LRRC52: variants seen among roughly 807,000 people sequenced by gnomAD.
The protein encoded by LRRC52 is leucine rich repeat containing 52, also known as leucine-rich repeat-containing protein 52.
Under a neutral mutation model 14.7 loss-of-function variants are expected in LRRC52, and 15 were observed. That is an observed-to-expected ratio of 1.02 (90% confidence interval 0.68 to 1.58). LRRC52 has a LOEUF of 1.58. Ranked by LOEUF, LRRC52 falls within the 40% of genes most tolerant of loss-of-function variation. LRRC52 has a pLI of 0.00. For synonymous variants in LRRC52, 180 were observed against 163.9 expected (o/e 1.10, Z -0.75); for missense variants, 400 against 387.7 (o/e 1.03, Z -0.27).
chr1:165,563,858 A>G lies in LRRC52; in HGVS notation c.*34A>G, dbSNP rs1480559193. The G allele has an allele frequency of 1.9e-6, 3 of 1,591,288 alleles. No homozygotes were observed. The highest frequency in any genetic ancestry group is 1.1e-5 in the South Asian group (1 of 87,264). ...GACCACTATCTTATGTGCCTCCCCCAGGCTCCCTGCTTTCTCTCTTGCCCT... is the reference window on the plus strand; with the variant it reads ...GACCACTATCTTATGTGCCTCCCCCGGGCTCCCTGCTTTCTCTCTTGCCCT... On this transcript the variant is annotated 3_prime_UTR_variant, in exon 2 of 2. Transcript: ENST00000294818.
Position 165,544,229 on chromosome 1 carries a change from C to CCCCCCCCCGG in LRRC52, c.-68_-67insCCCCCCCCGG. On this transcript the variant is annotated 5_prime_UTR_variant, in exon 1 of 2. Transcript: ENST00000294818. ...CCCCTCCCCCGCCCCACCCCCCCAC[C>CCCCCCCCCGG]GGCAGCCTTCGGATCAGAGGACAGA... is the stretch of plus-strand genomic sequence containing the variant. The CCCCCCCCCGG allele has an allele frequency of 6.8e-7, 1 of 1,476,570 alleles. No homozygotes were observed. The highest frequency in any genetic ancestry group is 9.1e-7 in the Non-Finnish European group (1 of 1,101,700). 91.5% of individuals were successfully genotyped at this position (1,476,570 alleles called of 1,614,324 possible).
At chr1:165,560,564 T>C (rs1462232766) in intron 1 of LRRC52, among the ~76,000 whole-genome samples, 3 of 152,044 alleles carry the variant, frequency 2.0e-5, no homozygotes, top group Non-Finnish European at 4.4e-5. Flanking sequence ...CACAAGGAAA[T>C]GCTAGGGATG....
rs1398264560 is a variant in LRRC52, at chr1:165,545,056, C to A, written c.622+138C>A. ...CATTCTTATTACTCTGCAGGGCCCA[C>A]CCTTGGGTTGACTGGAGTAGCAGTA... is the stretch of plus-strand genomic sequence containing the variant. On this transcript the variant is annotated intron_variant, in intron 1 of 1. Coordinates refer to ENST00000294818, the MANE Select transcript of LRRC52 (RefSeq NM_001005214.4). The A allele has an allele frequency of 3.6e-6, 4 of 1,116,172 alleles. No homozygotes were observed. The East Asian group carries it at 7.1e-5, about 20-fold the overall frequency. 69.1% of individuals were successfully genotyped at this position (1,116,172 alleles called of 1,614,324 possible). A position where few individuals can be genotyped will look rare whatever the true frequency, so the allele number is the denominator to read the frequency against.
At chr1:165,548,132 G>C (rs1661059817) in intron 1 of LRRC52, among the ~76,000 whole-genome samples, 1 of 151,290 alleles carries the variant, frequency 6.6e-6, no homozygotes, top group Admixed American at 6.6e-5. Context: ...TGAGTTATCT[G>C]GTGTTTATAA....
At position 165,544,661 on chromosome 1, in the gene LRRC52, C is replaced by CG. The variant is rs758342059; in HGVS notation, c.367dup (p.Val123GlyfsTer87). 5 of 1,613,980 alleles carry CG rather than the reference C, an allele frequency of 3.1e-6. No individual in the cohort carries two copies. In the African/African-American group the frequency reaches 6.7e-5, roughly 22 times the overall value. On this transcript the variant is annotated frameshift_variant, in exon 1 of 2. Coordinates refer to ENST00000294818, the MANE Select transcript of LRRC52 (RefSeq NM_001005214.4). LOFTEE classifies it high-confidence loss of function. The stretch of plus-strand genomic sequence containing the variant: ...ACCTCGATCTCCCCATTCACTTTCT[C>CG]GGTGCTCAGCAACCTGGTGCAGCTG...
chr1:165,551,464 T>G (rs1202971006), intron 1 of LRRC52, among the ~76,000 whole-genome samples: 2 of 152,152 alleles, frequency 1.3e-5, no homozygotes, highest in Non-Finnish European at 2.9e-5. Flanking sequence ...AAATATCCCC[T>G]CAGGGAGCAT....
intron 1 of LRRC52, among the ~76,000 whole-genome samples, chr1:165,560,053 T>C (rs1032030784): frequency 5.9e-5 from 9 of 152,154 alleles, no homozygotes; most frequent in African/African-American, 2.2e-4. Flanking sequence ...CTTTGAGATG[T>C]GGGAAGAAAC....
chr1:165,554,413 T>C (rs927283654), intron 1 of LRRC52, among the ~76,000 whole-genome samples: 7 of 144,248 alleles, frequency 4.9e-5, no homozygotes, highest in African/African-American at 7.4e-5. Flanking sequence ...ATGACCCATA[T>C]GCAATGATAG....
At chr1:165,552,563 C>T (rs1364422601) in intron 1 of LRRC52, among the ~76,000 whole-genome samples, 1 of 152,108 alleles carries the variant, frequency 6.6e-6, no homozygotes, top group Admixed American at 6.5e-5. Context: ...AGTATGGCAG[C>T]CTATGGCAAC....
intron 1 of LRRC52, among the ~76,000 whole-genome samples, chr1:165,552,072 G>A (rs1661142521): frequency 6.6e-6 from 1 of 152,088 alleles, no homozygotes; most frequent in Non-Finnish European, 1.5e-5. Context: ...GCAAGGAGGG[G>A]GCTGAGAGGG....
chr1:165,544,274 G>A lies in LRRC52; in HGVS notation c.-23G>A, dbSNP rs773324235. The stretch of plus-strand genomic sequence containing the variant: ...GACAGAGCCCGCAGGAAGGTGAAAG[G>A]AGGGTGGTTGTGGCTTCTTACTATG... On this transcript the variant is annotated 5_prime_UTR_variant, in exon 1 of 2. Coordinates refer to ENST00000294818, the MANE Select transcript of LRRC52 (RefSeq NM_001005214.4). The A allele has an allele frequency of 1.2e-6, 2 of 1,602,092 alleles. No individual in the cohort carries two copies. Among genetic ancestry groups the A allele is most frequent in the Non-Finnish European group, 8.5e-7 (1 of 1,173,408 alleles).
rs891388232 is a variant in LRRC52 at position 165,547,184 on chromosome 1, T to C, written c.622+2266T>C. ...TGCCCAAAATCACACAGCTGATAAA[T>C]GGCAAGAAAGTGACTTGAACCCCTT... On this transcript the variant is annotated intron_variant, in intron 1 of 1. Coordinates refer to ENST00000294818, the MANE Select transcript of LRRC52 (RefSeq NM_001005214.4). Among the ~76,000 whole-genome samples the C allele has an allele frequency of 2.0e-5, 3 of 152,130 alleles. 1 individual carries two copies. The highest frequency in any genetic ancestry group is 2.0e-4 in the Admixed American group (3 of 15,272).
intron 1 of LRRC52, among the ~76,000 whole-genome samples, chr1:165,558,550 C>T (rs905206848): frequency 1.3e-5 from 2 of 152,076 alleles, no homozygotes; most frequent in African/African-American, 4.8e-5. Flanking sequence ...TCATATAGTG[C>T]CTAGCACATG....
At chr1:165,553,926 T>C (rs559401877) in intron 1 of LRRC52, among the ~76,000 whole-genome samples, 1 of 152,272 alleles carries the variant, frequency 6.6e-6, no homozygotes, top group South Asian at 2.1e-4. Flanking sequence ...CCAATCCAAT[T>C]AGGCGACTAT....
At chr1:165,548,288 G>T (rs946083133) in intron 1 of LRRC52, among the ~76,000 whole-genome samples, 1 of 152,156 alleles carries the variant, frequency 6.6e-6, no homozygotes. Context: ...TGAAGTAAAG[G>T]ACTTCCATGC....
chr1:165,555,223 G>A (rs1174921763), intron 1 of LRRC52, among the ~76,000 whole-genome samples: 1 of 152,238 alleles, frequency 6.6e-6, no homozygotes, highest in Non-Finnish European at 1.5e-5. Context: ...GAACAAGGCA[G>A]ATACTTCAGG....
At chr1:165,557,291 T>C (rs973471228) in intron 1 of LRRC52, among the ~76,000 whole-genome samples, 3 of 152,150 alleles carry the variant, frequency 2.0e-5, no homozygotes, top group African/African-American at 7.2e-5. Context: ...TCCTGCCTCC[T>C]TGGAGCTTCA....
At chr1:165,554,731 A>G (rs1019820941) in intron 1 of LRRC52, among the ~76,000 whole-genome samples, 3 of 152,330 alleles carry the variant, frequency 2.0e-5, no homozygotes, top group South Asian at 2.1e-4. Flanking sequence ...CACCCGGCCA[A>G]TGATAGCTTT....
At chr1:165,559,115 G>A (rs1661293868) in intron 1 of LRRC52, among the ~76,000 whole-genome samples, 1 of 152,230 alleles carries the variant, frequency 6.6e-6, no homozygotes, top group Non-Finnish European at 1.5e-5. Context: ...AAGGCCAGGT[G>A]TGGTGGCTCA....
Sources: gnomAD v4.1 joint callset for allele counts (sites outside exome capture counted in the v4.1 genomes callset) on GRCh38, gnomAD v4.1.1 for gene constraint, MANE v1.5 for transcripts, NCBI Gene and HGNC (gene_info 2026-07-23, HGNC 2026-07-21) for gene names.